Variants in KAT2B observed in about 807,000 individuals in gnomAD.
KAT2B encodes the protein lysine acetyltransferase 2B, also known as histone acetyltransferase KAT2B.
KAT2B carries 36 observed loss-of-function variants against 105.9 expected under a neutral mutation model. The observed-to-expected ratio is 0.34, with a 90% CI of 0.26 to 0.45. The LOEUF (loss-of-function observed/expected upper bound fraction) is 0.45, where lower values mean the gene tolerates loss of function less well. Among genes scored for constraint, KAT2B ranks in the 20% least tolerant of loss-of-function variants. KAT2B has a pLI of 1.00. For synonymous variants in KAT2B, 397 were observed against 377.9 expected, an observed-to-expected ratio of 1.05 and a Z score of -0.59; for missense variants, 820 against 1,021.6, an observed-to-expected ratio of 0.80 and a Z score of 2.69.
At chr3:20,129,277 TA>T (rs1468200459) in intron 11 of KAT2B, among the ~76,000 whole-genome samples, 2 of 152,102 alleles carry the variant, frequency 1.3e-5, no homozygotes, top group East Asian at 1.9e-4. Flanking sequence ...AAATTTATTT[TA>T]CCCATATATC....
At chr3:20,104,988 C>T (rs1406555992) in intron 5 of KAT2B, among the ~76,000 whole-genome samples, 1 of 151,336 alleles carries the variant, frequency 6.6e-6, no homozygotes, top group Admixed American at 6.6e-5. Context: ...TGAGTTCAGG[C>T]GATTTTCCTG....
Position 20,095,381 on chromosome 3 carries a change from C to G in KAT2B, c.549C>G (p.Thr183=). 2 of 1,591,570 alleles carry G rather than the reference C, an allele frequency of 1.3e-6. No homozygotes were observed. The highest frequency in any genetic ancestry group is 1.7e-6 in the Non-Finnish European group (2 of 1,160,762). Residue 183 remains threonine (T), a synonymous_variant, in exon 3 of 18, where the codon ACC becomes ACG. Transcript: ENST00000263754. The part of the protein sequence containing the change: ...TCVHKEEDAD[T]KQVYFYLFKL... Reference sequence around the variant, plus strand: ...TCCACAAGGAAGAAGATGCAGATACCAAACAAGTTTATTTCTATCTATTTA... The same window carrying G: ...TCCACAAGGAAGAAGATGCAGATACGAAACAAGTTTATTTCTATCTATTTA...
rs747512926 is a variant in KAT2B at position 20,146,394 on chromosome 3, G to C, written c.2083G>C (p.Val695Leu). ...YPGLSCFKDG[V>L]RQIPIESIPG... ...TGGACTTTCATGTTTTAAAGATGGAGTTCGACAGATTCCTATAGAAAGCAT... is the reference window on the plus strand; with the variant it reads ...TGGACTTTCATGTTTTAAAGATGGACTTCGACAGATTCCTATAGAAAGCAT... The change falls in exon 14 of 18, where the codon GTT (valine) becomes CTT (leucine). Residue 695 changes from valine to leucine, a missense_variant. Transcript: ENST00000263754. 2 of 1,612,960 alleles carry C rather than the reference G, an allele frequency of 1.2e-6. No individual in the cohort carries two copies. Among genetic ancestry groups the C allele is most frequent in the Non-Finnish European group, 1.7e-6 (2 of 1,179,048 alleles).
At chr3:20,055,141 A>G (rs1000668815) in intron 1 of KAT2B, among the ~76,000 whole-genome samples, 11 of 152,114 alleles carry the variant, frequency 7.2e-5, no homozygotes, top group Admixed American at 3.3e-4. Flanking sequence ...AGAGTAGTTT[A>G]GAACATGGAC....
intron 15 of KAT2B, 55 bp from the exon 16 acceptor site, chr3:20,148,188 T>C: frequency 6.7e-7 from 1 of 1,490,846 alleles, no homozygotes; most frequent in Non-Finnish European, 9.3e-7. Context: ...AGTAATCAGC[T>C]GGCAATAGGG....
intron 6 of KAT2B, among the ~76,000 whole-genome samples, chr3:20,112,618 A>G (rs1032067521): frequency 5.3e-5 from 8 of 152,202 alleles, no homozygotes; most frequent in African/African-American, 1.9e-4. Context: ...TGTGATTATC[A>G]TTCCGCCTAG....
intron 7 of KAT2B, among the ~76,000 whole-genome samples, chr3:20,117,701 T>G (rs17797343): frequency 0.047 from 7,093 of 152,254 alleles, 212 homozygotes; most frequent in Middle Eastern, 0.072. Flanking sequence ...GTGGCTGTGT[T>G]GAAACGTAGA....
intron 2 of KAT2B, among the ~76,000 whole-genome samples, chr3:20,086,443 A>G (rs1035538585): frequency 2.0e-5 from 3 of 152,126 alleles, no homozygotes; most frequent in African/African-American, 7.2e-5. Context: ...AACGGAAAAT[A>G]CAAAAAAATT....
At chr3:20,044,464 T>C (rs1697772222) in intron 1 of KAT2B, among the ~76,000 whole-genome samples, 1 of 152,084 alleles carries the variant, frequency 6.6e-6, no homozygotes, top group African/African-American at 2.4e-5. Flanking sequence ...CTGACCATGT[T>C]ATACCCACAC....
intron 13 of KAT2B, among the ~76,000 whole-genome samples, chr3:20,144,148 G>T (rs949565881): frequency 6.6e-6 from 1 of 152,156 alleles, no homozygotes; most frequent in Non-Finnish European, 1.5e-5. Flanking sequence ...GCTACATGAG[G>T]TGAGTGGAAG....
Position 20,109,395 on chromosome 3 carries a change from C to T in KAT2B, c.852-2201C>T, listed in dbSNP as rs115277292. ...GCAGTGGCACAATCATAGCTCACAG[C>T]AGCCTAGAACTCCTAGGTTCAAGTG... On this transcript the variant is annotated intron_variant, in intron 5 of 17. Coordinates refer to ENST00000263754, the MANE Select transcript of KAT2B (RefSeq NM_003884.5). Among the ~76,000 whole-genome samples the T allele has an allele frequency of 9.0e-3, 1,367 of 152,292 alleles. 17 individuals are homozygous for T. Among genetic ancestry groups the T allele is most frequent in the African/African-American group, 0.025 (1,037 of 41,562 alleles).
chr3:20,106,571 G>A (rs114280184), intron 5 of KAT2B, among the ~76,000 whole-genome samples: 1,551 of 152,124 alleles, frequency 0.01, 12 homozygotes, highest in Non-Finnish European at 0.013. Context: ...TTAAGAAAAA[G>A]CTGAAAAGTA....
chr3:20,114,930 C>G lies in KAT2B; in HGVS notation c.1092C>G (p.Ile364Met), dbSNP rs779811352. The change falls in exon 7 of 18, where the codon ATC (isoleucine) becomes ATG (methionine). Residue 364 changes from isoleucine to methionine, a missense_variant. Physicochemically the swap from Ile to Met is conservative, Grantham distance 10. Around this residue, in one of 6 missense-constraint regions of KAT2B, gnomAD observed 225 missense variants for 268.1 expected, o/e 0.84. Coordinates refer to ENST00000263754, the MANE Select transcript of KAT2B (RefSeq NM_003884.5). ...AAGTATATAGTCAAAACTCTCCCAT[C>G]TGGGATCAGGATTTTCTCTCAGCCT... ...EEEVYSQNSP[I>M]WDQDFLSASS... 3 of 1,612,624 alleles carry G rather than the reference C, an allele frequency of 1.9e-6. No homozygotes were observed. The highest frequency in any genetic ancestry group is 1.3e-5 in the African/African-American group (1 of 74,846).
At chr3:20,066,052 T>A (rs986131686) in intron 1 of KAT2B, among the ~76,000 whole-genome samples, 2 of 152,112 alleles carry the variant, frequency 1.3e-5, no homozygotes, top group Non-Finnish European at 2.9e-5. Context: ...AAGTCTGAGA[T>A]CAAGATGTCA....
At chr3:20,121,732 ATGTGTGTGTGTGTGTGTGTGTGTGTG>A (rs3840188) in intron 8 of KAT2B, among the ~76,000 whole-genome samples, 1 of 109,778 alleles carries the variant, frequency 9.1e-6, no homozygotes, top group East Asian at 2.3e-4. Flanking sequence ...ACATATGCAT[ATGTGTGTGTGTGTGTGTGTGTGTGTG>A]TGTGTGTGTG....
intron 3 of KAT2B, among the ~76,000 whole-genome samples, chr3:20,099,574 G>A (rs537604131): frequency 6.6e-6 from 1 of 152,300 alleles, no homozygotes; most frequent in South Asian, 2.1e-4. Context: ...TGTTGGACCA[G>A]CATGGGTGGC....
At chr3:20,074,217 C>T (rs565691582) in intron 2 of KAT2B, among the ~76,000 whole-genome samples, 7 of 152,204 alleles carry the variant, frequency 4.6e-5, no homozygotes, top group African/African-American at 1.4e-4. Flanking sequence ...GCCTTACTTA[C>T]GATAGTAAAA....
Position 20,040,453 on chromosome 3 carries a change from G to T in KAT2B, c.-25G>T. 1 of 1,088,092 alleles carries T rather than the reference G, an allele frequency of 9.2e-7. No homozygotes were observed. Among genetic ancestry groups the T allele is most frequent in the Non-Finnish European group, 1.1e-6 (1 of 897,768 alleles). 67.4% of individuals were successfully genotyped at this position (1,088,092 alleles called of 1,614,324 possible). ...GCGGCGGCGGCGCCTGACACTCGGC[G>T]CCTCCTGCCGTGCTCCGGGGCGGCA... On this transcript the variant is annotated 5_prime_UTR_variant, in exon 1 of 18. Transcript: ENST00000263754.
At chr3:20,134,091 A>G (rs1206431162) in intron 11 of KAT2B, among the ~76,000 whole-genome samples, 5 of 152,026 alleles carry the variant, frequency 3.3e-5, no homozygotes, top group African/African-American at 1.2e-4. Context: ...TGCCTTGAAG[A>G]CGTTTTAAAA....
Sources: allele counts gnomAD v4.1 joint callset (sites outside exome capture counted in the v4.1 genomes callset), GRCh38; gene constraint gnomAD v4.1.1; regional missense constraint gnomAD v4.1.1; transcripts MANE v1.5; gene names NCBI Gene and HGNC (gene_info 2026-07-23, HGNC 2026-07-21).